Variants in RTEL1 observed in about 807,000 individuals in gnomAD.
RTEL1 encodes regulator of telomere elongation helicase 1.
Under a neutral mutation model 162.2 loss-of-function variants are expected in RTEL1, and 86 were observed. The observed-to-expected ratio is 0.53, with a 90% CI of 0.45 to 0.63. The LOEUF (loss-of-function observed/expected upper bound fraction) is 0.63, where lower values mean the gene tolerates loss of function less well. Ranked by LOEUF, RTEL1 falls within the 30% of genes least tolerant of loss-of-function variation. The pLI is 0.00. For missense variants in RTEL1, 1,941 were observed against 1,750.2 expected, an observed-to-expected ratio of 1.11 and a Z score of -1.95; for synonymous variants, 958 against 717.9, an observed-to-expected ratio of 1.33 and a Z score of -5.35.
chr20:63,694,912 A>C lies in RTEL1; in HGVS notation c.3281A>C (p.Lys1094Thr), dbSNP rs1266592553. The C allele has an allele frequency of 6.2e-7, 1 of 1,612,598 alleles. No homozygotes were observed. Among genetic ancestry groups the C allele is most frequent in the East Asian group, 2.2e-5 (1 of 44,876 alleles). Residue 1094 changes from lysine (K) to threonine (T), a missense_variant, in exon 32 of 35, where the codon AAG becomes ACG. Physicochemically the swap from Lys to Thr is moderately conservative, Grantham distance 78. Transcript: ENST00000360203. ...TAYKQDDDLDKVLAVLAALTT... is the reference protein window; with the variant it reads ...TAYKQDDDLDTVLAVLAALTT... The stretch of plus-strand genomic sequence containing the variant: ...TATAAGCAAGACGACGACCTCGACA[A>C]GGTGCTGGCTGTGTTGGCCGCCCTG...
intron 14 of RTEL1, among the ~76,000 whole-genome samples, chr20:63,683,491 G>A (rs1051824718): frequency 2.0e-5 from 3 of 152,246 alleles, no homozygotes; most frequent in African/African-American, 4.8e-5. Context: ...ACCCAGGCAC[G>A]TGCACATGCA....
At chr20:63,678,614 A>ACACACACTCCCACGAACAGCG (rs1569095515) in intron 12 of RTEL1, among the ~76,000 whole-genome samples, 1 of 132,900 alleles carries the variant, frequency 7.5e-6, no homozygotes, top group Non-Finnish European at 1.6e-5. Flanking sequence ...CACGAACAGC[A>ACACACACTCCCACGAACAGCG]CACACACTCC....
At chr20:63,671,372 T>C (rs2090238036) in intron 8 of RTEL1, among the ~76,000 whole-genome samples, 1 of 152,170 alleles carries the variant, frequency 6.6e-6, no homozygotes, top group African/African-American at 2.4e-5. Context: ...CCTACTGTTT[T>C]ATTCCATTTA....
rs765368444 is a variant in RTEL1, at chr20:63,695,046, C to G, written c.3344-20C>G. On this transcript the variant is annotated intron_variant, in intron 32 of 34. Transcript: ENST00000360203. ...GGACAAAATGGGGGCTGTGCCGGGT[C>G]TGATTGAAGCTCCCCGCAGGGTTCA... 27 of 1,610,664 alleles carry G rather than the reference C, an allele frequency of 1.7e-5. 1 individual carries two copies. The South Asian group carries it at 2.6e-4, about 16-fold the overall frequency.
intron 17 of RTEL1, 32 bp downstream of exon 17, chr20:63,687,802 C>T (rs1308290922): frequency 1.4e-5 from 22 of 1,555,268 alleles, no homozygotes; most frequent in Admixed American, 5.7e-5. Context: ...GCCTGAGCAC[C>T]GGTGACACCT....
At position 63,659,471 on chromosome 20, in the gene RTEL1, G is replaced by C; in HGVS notation, c.69G>C (p.Glu23Asp). The C allele has an allele frequency of 1.9e-6, 3 of 1,614,154 alleles. No individual in the cohort carries two copies. Among genetic ancestry groups the C allele is most frequent in the Non-Finnish European group, 2.5e-6 (3 of 1,179,964 alleles). ...FPFQPYKCQQ[E>D]YMTKVLECLQ... ...TCCAGCCCTACAAATGCCAACAGGAGTACATGACCAAGGTCCTGGAATGTC... is the reference window on the plus strand; with the variant it reads ...TCCAGCCCTACAAATGCCAACAGGACTACATGACCAAGGTCCTGGAATGTC... The change falls in exon 2 of 35, where the codon GAG becomes GAC. Residue 23 changes from glutamate (E) to aspartate (D), a missense_variant. Glu to Asp is a conservative substitution (Grantham distance 45). Transcript: ENST00000360203.
At chr20:63,681,054 G>T (rs2090468534) in intron 14 of RTEL1, 4 of 985,454 alleles carry the variant, frequency 4.1e-6, no homozygotes, top group Non-Finnish European at 4.8e-6. Flanking sequence ...AGCAGCCCCA[G>T]CTGCACGCAG....
At chr20:63,689,277 G>A (rs146501621) in intron 22 of RTEL1, 145 bp downstream of exon 22, 8 of 916,378 alleles carry the variant, frequency 8.7e-6, no homozygotes, top group South Asian at 4.8e-5. Flanking sequence ...TGCTGGGAGC[G>A]TGTCCTGCTC....
chr20:63,674,971 G>T (rs548891422), intron 10 of RTEL1, among the ~76,000 whole-genome samples: 1 of 151,354 alleles, frequency 6.6e-6, no homozygotes, highest in African/African-American at 2.4e-5. Context: ...GCAATGGCGC[G>T]ATCTTGGCTC....
Position 63,688,335 on chromosome 20 carries a change from G to C in RTEL1, c.1671G>C (p.Leu557=). 2 of 1,612,620 alleles carry C rather than the reference G, an allele frequency of 1.2e-6. No homozygotes were observed. The highest frequency in any genetic ancestry group is 1.7e-6 in the Non-Finnish European group (2 of 1,179,974). Residue 557 remains leucine (L), a synonymous_variant, in exon 20 of 35, where the codon CTG becomes CTC. Coordinates refer to ENST00000360203, the MANE Select transcript of RTEL1 (RefSeq NM_001283009.2). The part of the protein sequence containing the change: ...NIARVVPYGL[L]IFFPSYPVME... Reference sequence around the variant, plus strand: ...CCCGCGTGGTGCCCTATGGGCTCCTGATCTTCTTCCCTTCCTATCCTGTCA... The same window carrying C: ...CCCGCGTGGTGCCCTATGGGCTCCTCATCTTCTTCCCTTCCTATCCTGTCA...
chr20:63,691,974 G>A, intron 28 of RTEL1, 137 bp downstream of exon 28: 2 of 633,476 alleles, frequency 3.2e-6, no homozygotes, highest in Non-Finnish European at 5.5e-6. Flanking sequence ...GGGCAGCTGT[G>A]ATGCTGACGG....
chr20:63,691,454 A>G (rs1484904486), intron 27 of RTEL1, among the ~76,000 whole-genome samples: 1 of 151,972 alleles, frequency 6.6e-6, no homozygotes, highest in Admixed American at 6.6e-5. Context: ...CTCCAGGTGC[A>G]GGCACCAGGC....
rs2090716240 is a variant in RTEL1, at chr20:63,690,663, A to C, written c.2414-142A>C. On this transcript the variant is annotated intron_variant, in intron 26 of 34. Transcript: ENST00000360203. ...CAGGCAAGGATGCCCCCCGAGGCTG[A>C]GACTCCCCCCAATAGCAGGGAGGAC... 4.7e-6 allele frequency: 5 copies of C among 1,067,660 alleles called. No homozygotes were observed. In the South Asian group the frequency reaches 8.3e-5, roughly 18 times the overall value. 66.1% of individuals were successfully genotyped at this position (1,067,660 alleles called of 1,614,324 possible).
chr20:63,667,515 A>G lies in RTEL1; in HGVS notation c.661A>G (p.Ile221Val), dbSNP rs747559651. The G allele has an allele frequency of 6.2e-7, 1 of 1,613,958 alleles. No homozygotes were observed. Among genetic ancestry groups the G allele is most frequent in the Non-Finnish European group, 8.5e-7 (1 of 1,179,884 alleles). ...CCGGAACCTGAAGCAGCAAGCCGAC[A>G]TCATATTCATGCCGTACAATTACTT... is the stretch of plus-strand genomic sequence containing the variant. ...LSRNLKQQADIIFMPYNYLLD... is the reference protein window; with the variant it reads ...LSRNLKQQADVIFMPYNYLLD... The change falls in exon 8 of 35, where the codon ATC becomes GTC. Residue 221 changes from isoleucine to valine, a missense_variant. Physicochemically the swap from Ile to Val is conservative, Grantham distance 29. Coordinates refer to ENST00000360203, the MANE Select transcript of RTEL1 (RefSeq NM_001283009.2).
At chr20:63,682,092 C>T (rs951588834) in intron 14 of RTEL1, 1 of 985,348 alleles carries the variant, frequency 1.0e-6, no homozygotes, top group Admixed American at 6.1e-5. Flanking sequence ...TGGCCCGGGC[C>T]TGTCCCTCCC....
At chr20:63,672,074 G>T (rs994742470) in intron 8 of RTEL1, among the ~76,000 whole-genome samples, 8 of 141,140 alleles carry the variant, frequency 5.7e-5, no homozygotes, top group Non-Finnish European at 9.1e-5. Flanking sequence ...AGTAGAGACG[G>T]GGTTTTACCA....
At position 63,695,324 on chromosome 20, in the gene RTEL1, C is replaced by A; in HGVS notation, c.3500-4C>A. 6.4e-7 allele frequency: 1 copy of A among 1,566,432 alleles called. No homozygotes were observed. The highest frequency in any genetic ancestry group is 8.7e-7 in the Non-Finnish European group (1 of 1,155,808). Reference sequence around the variant, plus strand: ...CCCCCTCAGACTCAAGTCTCTGTCTCCAGGCCCCTCACGGTCCGAGAAGAC... The same window carrying A: ...CCCCCTCAGACTCAAGTCTCTGTCTACAGGCCCCTCACGGTCCGAGAAGAC... On this transcript the variant is annotated splice_polypyrimidine_tract_variant and splice_region_variant and intron_variant, in intron 33 of 34. Coordinates refer to ENST00000360203, the MANE Select transcript of RTEL1 (RefSeq NM_001283009.2).
At chr20:63,677,656 G>T (rs146074956) in intron 10 of RTEL1, among the ~76,000 whole-genome samples, 5 of 152,340 alleles carry the variant, frequency 3.3e-5, no homozygotes, top group Non-Finnish European at 7.3e-5. Flanking sequence ...GCTCCTCTTG[G>T]TGTCTCCAGT....
chr20:63,694,337 T>C (rs2738786), intron 30 of RTEL1, 35 bp from the exon 31 acceptor site: 40,422 of 955,358 alleles, frequency 0.042, 731 homozygotes, highest in Middle Eastern at 0.084. Flanking sequence ...CCAGATGCTC[T>C]CGACCAGCTT....
Sources: gnomAD v4.1 joint callset for allele counts (sites outside exome capture counted in the v4.1 genomes callset) on GRCh38, gnomAD v4.1.1 for gene constraint, MANE v1.5 for transcripts, NCBI Gene and HGNC (gene_info 2026-07-23, HGNC 2026-07-21) for gene names.